The following NCOA3 variants were observed in gnomAD, a reference collection of about 807,000 sequenced individuals.
NCOA3 encodes the protein CBP-interacting protein.
In NCOA3, 51 loss-of-function variants were observed where a neutral mutation model predicts 158.8. The ratio of observed to expected loss-of-function variants is 0.32; its 90% CI spans 0.26 to 0.41. NCOA3 has a LOEUF of 0.41. NCOA3 is among the 10% of genes least tolerant of loss of function. NCOA3 has a pLI of 1.00. For synonymous variants in NCOA3, 537 were observed against 592.4 expected (o/e 0.91, Z 1.36); for missense variants, 1,510 against 1,746.6 (o/e 0.86, Z 2.41).
intron 1 of NCOA3, among the ~76,000 whole-genome samples, chr20:47,528,522 A>C (rs2146100928): frequency 6.6e-6 from 1 of 152,272 alleles, no homozygotes; most frequent in South Asian, 2.1e-4. Context: ...CTCACTGAAA[A>C]ACCCAATCTT....
intron 3 of NCOA3, 124 bp from the exon 4 acceptor site, chr20:47,623,787 C>A: frequency 1.1e-6 from 1 of 913,706 alleles, no homozygotes; most frequent in Non-Finnish European, 1.6e-6. Flanking sequence ...AAAACTCTGT[C>A]TCGAGGAAAA....
chr20:47,526,319 G>C (rs1238338728), intron 1 of NCOA3, among the ~76,000 whole-genome samples: 6 of 152,044 alleles, frequency 3.9e-5, no homozygotes. Context: ...CCAGACGATG[G>C]GCGGCCAGGC....
Position 47,652,597 on chromosome 20 carries a change from TATAAA to T in NCOA3, c.4121+18_4121+22del, listed in dbSNP as rs1568760215. ...CAGGAACAGGTAAAGAACAGTGACT[TATAAA>T]GTTAGTCACATCCTAGTCCCAGAAG... is the stretch of plus-strand genomic sequence containing the variant. On this transcript the variant is annotated intron_variant, in intron 21 of 22. Transcript: ENST00000371998. 1 of 1,591,950 alleles carries T rather than the reference TATAAA, an allele frequency of 6.3e-7. No individual in the cohort carries two copies. The highest frequency in any genetic ancestry group is 2.3e-5 in the East Asian group (1 of 44,230).
intron 18 of NCOA3, among the ~76,000 whole-genome samples, chr20:47,648,187 G>T (rs1248971649): frequency 6.6e-6 from 1 of 152,046 alleles, no homozygotes; most frequent in Non-Finnish European, 1.5e-5. Flanking sequence ...TTACAGGTGT[G>T]AGCCACCGTG....
chr20:47,508,589 T>TAAATG (rs2084065372), intron 1 of NCOA3, among the ~76,000 whole-genome samples: 1 of 152,220 alleles, frequency 6.6e-6, no homozygotes. Context: ...CCCTTCTGTT[T>TAAATG]AAATGAAATC....
intron 5 of NCOA3, among the ~76,000 whole-genome samples, chr20:47,625,995 A>G (rs1223953362): frequency 1.3e-5 from 2 of 152,262 alleles, no homozygotes; most frequent in African/African-American, 4.8e-5. Context: ...ACCATTTTAT[A>G]TTGGAGACTT....
intron 1 of NCOA3, among the ~76,000 whole-genome samples, chr20:47,564,538 T>C (rs2085160997): frequency 7.5e-6 from 1 of 132,886 alleles, no homozygotes; most frequent in Non-Finnish European, 1.6e-5. Context: ...TCATTATTTA[T>C]TTCTCCTCTT....
intron 1 of NCOA3, among the ~76,000 whole-genome samples, chr20:47,512,843 A>G (rs2084169265): frequency 6.6e-6 from 1 of 152,148 alleles, no homozygotes; most frequent in South Asian, 2.1e-4. Context: ...ACTTTGAGAA[A>G]CAGTGGGCAG....
At chr20:47,603,715 G>A (rs2146264328) in intron 2 of NCOA3, among the ~76,000 whole-genome samples, 1 of 152,324 alleles carries the variant, frequency 6.6e-6, no homozygotes. Context: ...GCCATCCAGT[G>A]GCCCATCTCC....
At chr20:47,504,463 A>T (rs1325322456) in intron 1 of NCOA3, among the ~76,000 whole-genome samples, 1 of 150,756 alleles carries the variant, frequency 6.6e-6, no homozygotes, top group East Asian at 1.9e-4. Flanking sequence ...CATTAAAGAT[A>T]AAAGCTAAGT....
At chr20:47,611,981 C>T (rs139075613) in intron 2 of NCOA3, among the ~76,000 whole-genome samples, 137 of 152,180 alleles carry the variant, frequency 9.0e-4, no homozygotes, top group African/African-American at 2.3e-3. Context: ...TGCGTCACCA[C>T]GCTTGGCTAA....
chr20:47,550,953 A>G (rs928156557), intron 1 of NCOA3, among the ~76,000 whole-genome samples: 9 of 152,180 alleles, frequency 5.9e-5, no homozygotes, highest in African/African-American at 1.9e-4. Context: ...ATGTTTTTCA[A>G]TACTTAGACC....
intron 5 of NCOA3, among the ~76,000 whole-genome samples, chr20:47,626,021 T>G (rs568438606): frequency 2.2e-4 from 33 of 152,360 alleles, no homozygotes; most frequent in African/African-American, 7.9e-4. Context: ...TCCTCAGATT[T>G]TGCTATCTTT....
At chr20:47,540,924 C>T (rs2425956) in intron 1 of NCOA3, among the ~76,000 whole-genome samples, 19,790 of 152,056 alleles carry the variant, frequency 0.13, 1,764 homozygotes, top group African/African-American at 0.24. Context: ...AGATTATTTA[C>T]TTTACCTTTA....
In NCOA3 at chr20:47,653,613, C is replaced by T. The variant is rs886105835; in HGVS notation, c.*196C>T. On this transcript the variant is annotated 3_prime_UTR_variant, in exon 23 of 23. Coordinates refer to ENST00000371998, the MANE Select transcript of NCOA3 (RefSeq NM_181659.3). The stretch of plus-strand genomic sequence containing the variant: ...GAAGGGCAATATCTACGTGTTTTTC[C>T]CCCCTCCTTCTGCTGTGTATCATGG... The T allele has an allele frequency of 2.6e-5, 17 of 656,726 alleles. No homozygotes were observed. Among genetic ancestry groups the T allele is most frequent in the Non-Finnish European group, 4.0e-5 (15 of 375,796 alleles). The allele number at this position is 656,726 out of a possible 1,614,324, so 40.7% of individuals were successfully genotyped here.
intron 2 of NCOA3, among the ~76,000 whole-genome samples, chr20:47,617,175 T>C (rs73624688): frequency 7.2e-5 from 11 of 151,946 alleles, no homozygotes; most frequent in Admixed American, 5.2e-4. Context: ...AGGCTGGTCT[T>C]GAACTCCTGA....
chr20:47,527,016 A>G (rs913786867), intron 1 of NCOA3, among the ~76,000 whole-genome samples: 3 of 152,206 alleles, frequency 2.0e-5, no homozygotes, highest in African/African-American at 7.2e-5. Context: ...TATTCTTAGT[A>G]TATAGCAATA....
chr20:47,562,673 A>G (rs929679362), intron 1 of NCOA3, among the ~76,000 whole-genome samples: 9 of 152,178 alleles, frequency 5.9e-5, no homozygotes, highest in South Asian at 2.1e-4. Flanking sequence ...CAACTGTACC[A>G]TATACCTTTT....
At chr20:47,554,645 T>G (rs1437070550) in intron 1 of NCOA3, among the ~76,000 whole-genome samples, 3 of 151,900 alleles carry the variant, frequency 2.0e-5, no homozygotes, top group Non-Finnish European at 2.9e-5. Flanking sequence ...GAATCCAACT[T>G]ACAAGGGATG....
Sources: gnomAD v4.1 joint callset for allele counts (sites outside exome capture counted in the v4.1 genomes callset) on GRCh38, gnomAD v4.1.1 for gene constraint, MANE v1.5 for transcripts, NCBI Gene and HGNC (gene_info 2026-07-23, HGNC 2026-07-21) for gene names.